The following LMNTD1 variants were observed in gnomAD, a reference collection of about 807,000 sequenced individuals.
LMNTD1 encodes lamin tail domain containing 1.
LMNTD1 carries 35 observed loss-of-function variants against 50.9 expected under a neutral mutation model. The observed-to-expected ratio is 0.69, with a 90% CI of 0.53 to 0.91. The LOEUF (loss-of-function observed/expected upper bound fraction) is 0.91, where lower values mean the gene tolerates loss of function less well. Ranked by LOEUF, LMNTD1 falls within the 40% of genes least tolerant of loss-of-function variation. The pLI, the probability that LMNTD1 is intolerant of heterozygous loss-of-function variation, is 0.00. For synonymous variants in LMNTD1, 153 were observed against 161.9 expected, an observed-to-expected ratio of 0.94 and a Z score of 0.42; for missense variants, 470 against 475.5, an observed-to-expected ratio of 0.99 and a Z score of 0.11.
intron 9 of LMNTD1, among the ~76,000 whole-genome samples, chr12:25,496,681 C>A (rs11048078): frequency 6.6e-6 from 1 of 152,158 alleles, no homozygotes; most frequent in Non-Finnish European, 1.5e-5. Flanking sequence ...ATATGATTTT[C>A]TTCCATCTTG....
intron 8 of LMNTD1, among the ~76,000 whole-genome samples, chr12:25,511,371 C>G (rs1677362795): frequency 6.6e-6 from 1 of 152,084 alleles, no homozygotes; most frequent in Admixed American, 6.6e-5. Context: ...GTTAGGATAC[C>G]TCAGGTTTCT....
rs112607625 is a variant in LMNTD1, at chr12:25,573,364, G to A, written c.59-26810C>T. ...TAGGTACCTCACTAGAGGCAGCAGA[G>A]CCCAATCCAGTCCTAGAATTAATGA... On this transcript the variant is annotated intron_variant, in intron 1 of 7. Coordinates refer to the LMNTD1 transcript ENST00000445693. Among the ~76,000 whole-genome samples, 1,189 of 152,220 alleles carry A rather than the reference G, an allele frequency of 7.8e-3. 23 individuals carry two copies. Among genetic ancestry groups the A allele is most frequent in the East Asian group, 0.071 (368 of 5,164 alleles).
At chr12:25,561,392 G>C (rs1002299696) in intron 1 of LMNTD1, among the ~76,000 whole-genome samples, 1 of 152,064 alleles carries the variant, frequency 6.6e-6, no homozygotes, top group Non-Finnish European at 1.5e-5. Flanking sequence ...CCTTCATTTC[G>C]TTATGTACCC....
chr12:25,645,511 A>G lies in LMNTD1; in HGVS notation c.58+2983T>C, dbSNP rs77392265. On this transcript the variant is annotated intron_variant, in intron 1 of 7. Coordinates refer to the LMNTD1 transcript ENST00000445693. The stretch of plus-strand genomic sequence containing the variant: ...GCAGCCTTTAAAAAAAGATCAAAGT[A>G]ACTGCTGAGCCCAGCTCGCTAACAT... 3.8e-3 allele frequency among the ~76,000 whole-genome samples: 575 copies of G among 152,378 alleles called. 12 individuals carry two copies. Among genetic ancestry groups the G allele is most frequent in the Admixed American group, 0.033 (499 of 15,298 alleles).
chr12:25,549,252 G>C, intron 3 of LMNTD1, 74 bp downstream of exon 3: 1 of 746,312 alleles, frequency 1.3e-6, no homozygotes, highest in Non-Finnish European at 2.2e-6. Context: ...TTCTGACTGA[G>C]AGTCATATAT....
chr12:25,520,139 G>GAGATAT (rs1446330038), intron 6 of LMNTD1, 64 bp from the exon 7 acceptor site: 4 of 152,454 alleles, frequency 2.6e-5, no homozygotes, highest in South Asian at 1.3e-4. Flanking sequence ...GCTGTTATGA[G>GAGATAT]ATATACATAT....
chr12:25,553,805 A>G (rs1232816992), upstream of LMNTD1, among the ~76,000 whole-genome samples: 2 of 152,212 alleles, frequency 1.3e-5, no homozygotes, highest in African/African-American at 2.4e-5. Context: ...AATAAAATTA[A>G]TAACTATGAA....
intron 6 of LMNTD1, among the ~76,000 whole-genome samples, chr12:25,522,643 C>G (rs2136058963): frequency 6.6e-6 from 1 of 152,220 alleles, no homozygotes; most frequent in Non-Finnish European, 1.5e-5. Context: ...TCAATGAGTT[C>G]CTATTGTATA....
chr12:25,626,548 G>A (rs780741549), intron 1 of LMNTD1, among the ~76,000 whole-genome samples: 1 of 152,046 alleles, frequency 6.6e-6, no homozygotes, highest in Non-Finnish European at 1.5e-5. Context: ...AGTATAATTT[G>A]ACTAATATAC....
intron 1 of LMNTD1, among the ~76,000 whole-genome samples, chr12:25,565,742 A>G (rs1350540566): frequency 1.3e-5 from 2 of 152,174 alleles, no homozygotes; most frequent in Admixed American, 1.3e-4. Flanking sequence ...TTCTGATTGA[A>G]GTTCTCCTTT....
At chr12:25,631,025 G>A (rs1015174644) in intron 1 of LMNTD1, among the ~76,000 whole-genome samples, 62 of 152,272 alleles carry the variant, frequency 4.1e-4, no homozygotes, top group African/African-American at 1.4e-3. Flanking sequence ...GCCTGTGACT[G>A]CCGGCTTTCT....
At chr12:25,529,410 T>TG (rs547687051) in intron 4 of LMNTD1, among the ~76,000 whole-genome samples, 215 of 152,278 alleles carry the variant, frequency 1.4e-3, no homozygotes, top group African/African-American at 5.0e-3. Context: ...TCTCAAAAGG[T>TG]ACCCCTGAAC....
chr12:25,567,406 A>AT (rs1486503544), intron 1 of LMNTD1, among the ~76,000 whole-genome samples: 1 of 152,214 alleles, frequency 6.6e-6, no homozygotes, highest in African/African-American at 2.4e-5. Context: ...CACCACTACT[A>AT]TATAGCTATT....
At chr12:25,542,375 G>A (rs561798764) in intron 4 of LMNTD1, among the ~76,000 whole-genome samples, 2,409 of 150,396 alleles carry the variant, frequency 0.016, 67 homozygotes, top group African/African-American at 0.056. Flanking sequence ...TATACACCAT[G>A]GAATACTATG....
At chr12:25,505,944 T>C (rs1405770765) in intron 8 of LMNTD1, among the ~76,000 whole-genome samples, 1 of 152,184 alleles carries the variant, frequency 6.6e-6, no homozygotes, top group Non-Finnish European at 1.5e-5. Flanking sequence ...TCTGACAAAT[T>C]TAAACCATGC....
chr12:25,477,603 C>T (rs545582357), intron 9 of LMNTD1, among the ~76,000 whole-genome samples: 1 of 152,204 alleles, frequency 6.6e-6, no homozygotes, highest in East Asian at 1.9e-4. Context: ...ATGCCACCAG[C>T]ATAAGGAGCC....
chr12:25,561,096 C>T (rs1565481528), intron 1 of LMNTD1, among the ~76,000 whole-genome samples: 1 of 152,124 alleles, frequency 6.6e-6, no homozygotes, highest in Admixed American at 6.5e-5. Flanking sequence ...AACACCAGCT[C>T]CTTGATTCAT....
intron 1 of LMNTD1, among the ~76,000 whole-genome samples, chr12:25,600,659 A>G (rs1167899187): frequency 6.6e-6 from 1 of 152,142 alleles, no homozygotes; most frequent in Non-Finnish European, 1.5e-5. Flanking sequence ...ACATTTCTCA[A>G]AAGAAGACAT....
Position 25,599,477 on chromosome 12 carries a change from A to C in LMNTD1, c.58+49017T>G, listed in dbSNP as rs189835717. ...GCAATCAGATAAGAGAAAGAAATGA[A>C]GGGTATCCAAATTTGAAAGGAAGAA... On this transcript the variant is annotated intron_variant, in intron 1 of 7. Transcript: ENST00000445693. Among the ~76,000 whole-genome samples the C allele has an allele frequency of 2.1e-4, 32 of 152,202 alleles. No individual in the cohort carries two copies. In the East Asian group the frequency reaches 6.2e-3, roughly 29 times the overall value.
Sources: allele counts gnomAD v4.1 joint callset (sites outside exome capture counted in the v4.1 genomes callset), GRCh38; gene constraint gnomAD v4.1.1; transcripts MANE v1.5; gene names NCBI Gene and HGNC (gene_info 2026-07-23, HGNC 2026-07-21).